ABHD10: variants seen among roughly 807,000 people sequenced by gnomAD.
ABHD10 encodes abhydrolase domain containing 10, depalmitoylase, also known as palmitoyl-protein thioesterase ABHD10, mitochondrial.
A neutral mutation model predicts 33.1 loss-of-function variants in ABHD10; 22 were observed. The ratio of observed to expected loss-of-function variants is 0.66; its 90% CI spans 0.47 to 0.95. ABHD10 has a LOEUF of 0.95. Among genes scored for constraint, ABHD10 ranks in the 40% least tolerant of loss-of-function variants. The probability of loss-of-function intolerance (pLI) is 0.00; values close to 1 mark genes in which losing one functional copy is unlikely to be tolerated. For missense variants in ABHD10, 352 were observed against 379.9 expected, an observed-to-expected ratio of 0.93 and a Z score of 0.61; for synonymous variants, 146 against 133.9, an observed-to-expected ratio of 1.09 and a Z score of -0.62.
Position 111,992,780 on chromosome 3 carries a change from A to G in ABHD10, c.*1059A>G, listed in dbSNP as rs1311647005. ...CATGTGTCGAAGACTTATTCGACTC[A>G]TTAATGAGGAAACCAGCAGATAGTA... On this transcript the variant is annotated 3_prime_UTR_variant, in exon 5 of 5. Coordinates refer to ENST00000273359, the MANE Select transcript of ABHD10 (RefSeq NM_018394.4). 2.0e-5 allele frequency: 3 copies of G among 152,240 alleles called. No homozygotes were observed. The highest frequency in any genetic ancestry group is 7.2e-5 in the African/African-American group (3 of 41,468). The allele number at this position is 152,240 out of a possible 1,614,324, so 9.4% of individuals were successfully genotyped here. A position where few individuals can be genotyped will look rare whatever the true frequency, so the allele number is the denominator to read the frequency against.
rs2072660303 is a variant in ABHD10 at position 111,986,289 on chromosome 3, T to G, written c.352T>G (p.Ser118Ala). Residue 118 changes from serine (S) to alanine (A), a missense_variant, in exon 3 of 5, where the codon TCA (serine) becomes GCA (alanine). Ser to Ala is a moderately conservative substitution (Grantham distance 99, BLOSUM62 1). Coordinates refer to ENST00000273359, the MANE Select transcript of ABHD10 (RefSeq NM_018394.4). ...IRFDYSGVGS[S>A]DGNSEESTLG... is the part of the protein sequence containing the mutation. ...GTTTGATTACTCAGGAGTTGGAAGT[T>G]CAGATGGTAACTCAGAGGAAAGCAC... 1 of 1,613,716 alleles carries G rather than the reference T, an allele frequency of 6.2e-7. No homozygotes were observed. The highest frequency in any genetic ancestry group is 1.1e-5 in the South Asian group (1 of 91,048).
intron 2 of ABHD10, among the ~76,000 whole-genome samples, chr3:111,983,159 A>G (rs2072607353): frequency 6.6e-6 from 1 of 152,174 alleles, no homozygotes; most frequent in African/African-American, 2.4e-5. Flanking sequence ...GATTGTGTCA[A>G]AAGAACAGTA....
At chr3:111,988,250 G>T (rs2072695243) in intron 4 of ABHD10, among the ~76,000 whole-genome samples, 2 of 152,094 alleles carry the variant, frequency 1.3e-5, no homozygotes, top group African/African-American at 4.8e-5. Context: ...ATAGCATTGT[G>T]TGTGTATTCA....
At chr3:111,984,491 A>G (rs566030905) in intron 2 of ABHD10, among the ~76,000 whole-genome samples, 1 of 152,312 alleles carries the variant, frequency 6.6e-6, no homozygotes, top group African/African-American at 2.4e-5. Context: ...ATAAGAAAAC[A>G]TAGACCTATT....
At chr3:111,986,855 T>G in intron 3 of ABHD10, 59 bp from the exon 4 acceptor site, 4 of 1,317,966 alleles carry the variant, frequency 3.0e-6, no homozygotes, top group Non-Finnish European at 3.0e-6. Context: ...ATATTTTGTT[T>G]TATGTTTATA....
intron 1 of ABHD10, among the ~76,000 whole-genome samples, chr3:111,981,239 G>GC (rs1228822450): frequency 6.7e-6 from 1 of 149,664 alleles, no homozygotes; most frequent in Non-Finnish European, 1.5e-5. Flanking sequence ...AGGAGTCGAG[G>GC]AAGTCCAGGC....
intron 4 of ABHD10, among the ~76,000 whole-genome samples, chr3:111,989,061 C>T (rs1355965876): frequency 2.0e-5 from 3 of 152,214 alleles, no homozygotes; most frequent in Admixed American, 6.5e-5. Flanking sequence ...AACTTAAAAG[C>T]ATGTATAAGG....
At chr3:111,986,863 A>T in intron 3 of ABHD10, 51 bp from the exon 4 acceptor site, 1 of 1,416,696 alleles carries the variant, frequency 7.1e-7, no homozygotes, top group Non-Finnish European at 9.4e-7. Flanking sequence ...TTTTATGTTT[A>T]TAACCTGTTC....
intron 4 of ABHD10, among the ~76,000 whole-genome samples, chr3:111,990,330 A>G (rs931863972): frequency 1.1e-4 from 17 of 152,032 alleles, no homozygotes; most frequent in African/African-American, 3.9e-4. Flanking sequence ...AAAACTGTAT[A>G]TGAATGTGTA....
In ABHD10 at chr3:111,982,352, T is replaced by A. The variant is rs1390691548; in HGVS notation, c.326+385T>A. Reference sequence around the variant, plus strand: ...GTTTATCTAAAAGTAATACATGTATTTAAAAGTATCATAATGCAAATTTCT... The same window carrying A: ...GTTTATCTAAAAGTAATACATGTATATAAAAGTATCATAATGCAAATTTCT... On this transcript the variant is annotated intron_variant, in intron 2 of 4. Transcript: ENST00000273359. 2 of 156,030 alleles carry A rather than the reference T, an allele frequency of 1.3e-5. 1 individual carries two copies. The highest frequency in any genetic ancestry group is 1.3e-4 in the Admixed American group (2 of 15,384). The allele number at this position is 156,030 out of a possible 1,614,324, so 9.7% of individuals were successfully genotyped here.
At chr3:111,982,602 G>T (rs536481837) in intron 2 of ABHD10, among the ~76,000 whole-genome samples, 1 of 152,118 alleles carries the variant, frequency 6.6e-6, no homozygotes, top group Non-Finnish European at 1.5e-5. Flanking sequence ...GATTAGCCTG[G>T]AATTCAAGAA....
rs1318969400 is a variant in ABHD10, at chr3:111,979,130, C to G, written c.69C>G (p.Val23=). The G allele has an allele frequency of 1.2e-6, 2 of 1,613,226 alleles. No homozygotes were observed. Among genetic ancestry groups the G allele is most frequent in the Admixed American group, 3.3e-5 (2 of 59,986 alleles). ...VPCRSWGWAA[V]PFGPHRGLSV... is the part of the protein sequence containing the mutation. Reference sequence around the variant, plus strand: ...GTCGGAGCTGGGGCTGGGCAGCCGTCCCCTTCGGTCCCCACCGTGGCCTCA... The same window carrying G: ...GTCGGAGCTGGGGCTGGGCAGCCGTGCCCTTCGGTCCCCACCGTGGCCTCA... The change falls in exon 1 of 5, where the codon GTC becomes GTG. Residue 23 remains valine, a synonymous_variant. Coordinates refer to ENST00000273359, the MANE Select transcript of ABHD10 (RefSeq NM_018394.4).
In ABHD10 at chr3:111,979,034, A is replaced by T. The variant is rs771181963; in HGVS notation, c.-28A>T. On this transcript the variant is annotated 5_prime_UTR_variant, in exon 1 of 5. Coordinates refer to ENST00000273359, the MANE Select transcript of ABHD10 (RefSeq NM_018394.4). ...TGCGTAGCGTGTCCCTCAGTGGGAC[A>T]CTGCAGGGTGCGGGGACAACTACGA... is the stretch of plus-strand genomic sequence containing the variant. 2 of 1,603,346 alleles carry T rather than the reference A, an allele frequency of 1.2e-6. No individual in the cohort carries two copies. The highest frequency in any genetic ancestry group is 3.4e-5 in the Admixed American group (2 of 59,430).
At chr3:111,981,311 CAAAAAA>C (rs11301143) in intron 1 of ABHD10, among the ~76,000 whole-genome samples, 2 of 91,216 alleles carry the variant, frequency 2.2e-5, no homozygotes, top group African/African-American at 9.0e-5. Context: ...GACCCTGTCT[CAAAAAA>C]AAAAAAAAAA....
rs1325927546 is a variant in ABHD10 at position 111,992,186 on chromosome 3, A to G, written c.*465A>G. 1 of 152,794 alleles carries G rather than the reference A, an allele frequency of 6.5e-6. No homozygotes were observed. The highest frequency in any genetic ancestry group is 1.4e-5 in the Non-Finnish European group (1 of 69,542). The allele number at this position is 152,794 out of a possible 1,614,324, so 9.5% of individuals were successfully genotyped here. On this transcript the variant is annotated 3_prime_UTR_variant, in exon 5 of 5. Coordinates refer to ENST00000273359, the MANE Select transcript of ABHD10 (RefSeq NM_018394.4). The stretch of plus-strand genomic sequence containing the variant: ...GATGGAGAAATTTCAGAAGCATAAT[A>G]AAGTTCACAATAAGGATAATACTTT...
At chr3:111,987,638 C>T (rs575837159) in intron 4 of ABHD10, among the ~76,000 whole-genome samples, 2 of 152,174 alleles carry the variant, frequency 1.3e-5, no homozygotes, top group South Asian at 4.1e-4. Flanking sequence ...ACAATGTAAG[C>T]GCTATGTAAA....
chr3:111,987,545 G>A (rs2072683273), intron 4 of ABHD10, among the ~76,000 whole-genome samples: 1 of 151,936 alleles, frequency 6.6e-6, no homozygotes, highest in African/African-American at 2.4e-5. Context: ...AGATGGTCAA[G>A]TCTCTGAGAA....
In ABHD10 at chr3:111,981,995, A is replaced by G. The variant is rs141804335; in HGVS notation, c.326+28A>G. On this transcript the variant is annotated intron_variant, in intron 2 of 4. Transcript: ENST00000273359. ...AGGAACAACACATTACTGAGAAAAT[A>G]TTGCTACTGTTAGCATTACAGTGGA... 1.9e-4 allele frequency: 274 copies of G among 1,444,296 alleles called. No homozygotes were observed. The African/African-American group carries it at 3.4e-3, about 18-fold the overall frequency. The allele number at this position is 1,444,296 out of a possible 1,614,324, so 89.5% of individuals were successfully genotyped here.
intron 2 of ABHD10, chr3:111,982,258 A>G (rs1577247921): frequency 8.6e-6 from 2 of 233,138 alleles, no homozygotes; most frequent in East Asian, 1.6e-4. Flanking sequence ...CAGATATACT[A>G]GTTGGCTTTC....
Sources: gnomAD v4.1 joint callset for allele counts (sites outside exome capture counted in the v4.1 genomes callset) on GRCh38, gnomAD v4.1.1 for gene constraint, MANE v1.5 for transcripts, NCBI Gene and HGNC (gene_info 2026-07-23, HGNC 2026-07-21) for gene names.